TMEM132D: variants seen among roughly 807,000 people sequenced by gnomAD.
TMEM132D encodes the protein mature OL transmembrane protein.
Under a neutral mutation model 62.3 loss-of-function variants are expected in TMEM132D, and 21 were observed. The observed-to-expected ratio is 0.34, with a 90% CI of 0.24 to 0.49. The LOEUF is 0.49. TMEM132D is among the 20% of genes least tolerant of loss of function. The probability of loss-of-function intolerance (pLI) is 0.99; values close to 1 mark genes in which losing one functional copy is unlikely to be tolerated. For missense variants in TMEM132D, 1,346 were observed against 1,402.8 expected, an observed-to-expected ratio of 0.96 and a Z score of 0.65; for synonymous variants, 621 against 575.6, an observed-to-expected ratio of 1.08 and a Z score of -1.13.
intron 3 of TMEM132D, among the ~76,000 whole-genome samples, chr12:129,429,349 G>A (rs1200627198): frequency 6.6e-6 from 1 of 151,504 alleles, no homozygotes; most frequent in Non-Finnish European, 1.5e-5. Flanking sequence ...ATTTAATAGA[G>A]GAAATTGCTT....
Position 129,903,309 on chromosome 12 carries a change from G to A in TMEM132D, c.31C>T (p.His11Tyr), listed in dbSNP as rs1430170808. The A allele has an allele frequency of 1.3e-6, 2 of 1,554,498 alleles. No individual in the cohort carries two copies. Among genetic ancestry groups the A allele is most frequent in the South Asian group, 1.2e-5 (1 of 84,210 alleles). MCPSEMGTLW[H>Y]HWSPVLISLA... ...CTGATGAGTACCGGCGACCAGTGGTGCCACAGCGTCCCCATCTCAGACGGG... is the reference window on the plus strand; with the variant it reads ...CTGATGAGTACCGGCGACCAGTGGTACCACAGCGTCCCCATCTCAGACGGG... Residue 11 changes from histidine to tyrosine, a missense_variant, in exon 1 of 9, where the codon CAC becomes TAC. Physicochemically the swap from His to Tyr is moderately conservative, Grantham distance 83 (BLOSUM62 2). Coordinates refer to ENST00000422113, the MANE Select transcript of TMEM132D (RefSeq NM_133448.3). The surrounding 1 kb of genome is among the most constrained non-coding windows in gnomAD (Gnocchi z 6.2).
intron 5 of TMEM132D, among the ~76,000 whole-genome samples, chr12:129,108,744 C>G (rs12304117): frequency 6.6e-6 from 1 of 152,056 alleles, no homozygotes; most frequent in Non-Finnish European, 1.5e-5. Context: ...ACCCACACAT[C>G]GTCTTGAGTT....
At chr12:129,875,212 A>G (rs1172819396) in intron 1 of TMEM132D, among the ~76,000 whole-genome samples, 1 of 152,164 alleles carries the variant, frequency 6.6e-6, no homozygotes, top group Non-Finnish European at 1.5e-5. Context: ...CTTAACAGAC[A>G]AAGTGCGCAA....
Position 129,199,613 on chromosome 12 carries a change from C to T in TMEM132D, c.1443+9907G>A, listed in dbSNP as rs185482370. 4.0e-3 allele frequency among the ~76,000 whole-genome samples: 608 copies of T among 152,194 alleles called. 9 individuals are homozygous for T. Among genetic ancestry groups the T allele is most frequent in the African/African-American group, 0.013 (559 of 41,514 alleles). On this transcript the variant is annotated intron_variant, in intron 5 of 8. Coordinates refer to ENST00000422113, the MANE Select transcript of TMEM132D (RefSeq NM_133448.3). ...AACTGCTCTAAAGAAATACCTGAGA[C>T]TGGGTAATTTATAATGAAAAAGAGG...
rs1309828892 is a variant in TMEM132D at position 129,531,151 on chromosome 12, G to T, written c.1023C>A (p.Ser341=). The T allele has an allele frequency of 1.2e-6, 2 of 1,613,762 alleles. No homozygotes were observed. The highest frequency in any genetic ancestry group is 2.7e-5 in the African/African-American group (2 of 74,922). Residue 341 remains serine, a synonymous_variant, in exon 3 of 9, where the codon TCC becomes TCA. Coordinates refer to ENST00000422113, the MANE Select transcript of TMEM132D (RefSeq NM_133448.3). The stretch of plus-strand genomic sequence containing the variant: ...CCGTGCGCTCCTTGACATCCCAAAT[G>T]GAAGGGCTGCTGGCTCGCACGCCGA... The part of the protein sequence containing the change: ...NIIGVRASSP[S]IWDVKERTDY...
intron 3 of TMEM132D, among the ~76,000 whole-genome samples, chr12:129,493,553 C>T (rs994579169): frequency 2.6e-5 from 4 of 152,174 alleles, no homozygotes; most frequent in Non-Finnish European, 5.9e-5. Flanking sequence ...TAAACAAATG[C>T]TGTAAATAAA....
intron 5 of TMEM132D, among the ~76,000 whole-genome samples, chr12:129,094,791 A>G (rs1875045520): frequency 6.6e-6 from 1 of 152,218 alleles, no homozygotes; most frequent in Non-Finnish European, 1.5e-5. Flanking sequence ...CCAAATGTCC[A>G]ACAATGATAG....
At chr12:129,865,145 G>A (rs1335249297) in intron 1 of TMEM132D, among the ~76,000 whole-genome samples, 2 of 152,230 alleles carry the variant, frequency 1.3e-5, no homozygotes, top group African/African-American at 4.8e-5. Flanking sequence ...GGAAACCCCT[G>A]TGAGCAGGCT....
chr12:129,202,000 T>C (rs1180491225), intron 5 of TMEM132D, among the ~76,000 whole-genome samples: 1 of 134,094 alleles, frequency 7.5e-6, no homozygotes, highest in Non-Finnish European at 1.6e-5. Context: ...ACTGGGGACC[T>C]GTTGCCTTCT....
intron 3 of TMEM132D, among the ~76,000 whole-genome samples, chr12:129,528,053 A>C (rs1278548003): frequency 6.6e-6 from 1 of 152,216 alleles, no homozygotes; most frequent in Non-Finnish European, 1.5e-5. Context: ...TATGACTCTC[A>C]AGCTAATTAA....
intron 2 of TMEM132D, among the ~76,000 whole-genome samples, chr12:129,584,557 G>C (rs1284791450): frequency 6.6e-6 from 1 of 152,190 alleles, no homozygotes; most frequent in Non-Finnish European, 1.5e-5. Flanking sequence ...CATGAAGCAA[G>C]CCACCCGGAG....
intron 1 of TMEM132D, among the ~76,000 whole-genome samples, chr12:129,751,181 T>G (rs886982150): frequency 4.6e-5 from 7 of 152,104 alleles, no homozygotes; most frequent in Non-Finnish European, 1.0e-4. Context: ...TTTAATTGGC[T>G]CACAGTTCCT....
At chr12:129,138,823 A>G (rs968848340) in intron 5 of TMEM132D, among the ~76,000 whole-genome samples, 3 of 152,222 alleles carry the variant, frequency 2.0e-5, no homozygotes, top group African/African-American at 7.2e-5. Context: ...GCCATCATTC[A>G]TCAATGTGGA....
At chr12:129,743,161 C>T (rs1479931039) in intron 1 of TMEM132D, among the ~76,000 whole-genome samples, 1 of 152,246 alleles carries the variant, frequency 6.6e-6, no homozygotes, top group Non-Finnish European at 1.5e-5. Context: ...GTCCCATGTC[C>T]ACACAGCCTC....
intron 5 of TMEM132D, chr12:129,086,144 T>C (rs1247314500): frequency 6.6e-6 from 1 of 152,392 alleles, no homozygotes; most frequent in African/African-American, 2.4e-5. Flanking sequence ...ACATGTGTAC[T>C]GTGAAATAAT....
intron 4 of TMEM132D, among the ~76,000 whole-genome samples, chr12:129,307,666 G>A (rs1881876909): frequency 1.3e-5 from 2 of 151,936 alleles, no homozygotes; most frequent in Non-Finnish European, 2.9e-5. Flanking sequence ...CATAACCCTG[G>A]AGGAACAAGT....
intron 4 of TMEM132D, among the ~76,000 whole-genome samples, chr12:129,311,836 C>T (rs952143647): frequency 2.0e-5 from 3 of 152,046 alleles, no homozygotes; most frequent in Admixed American, 6.6e-5. Flanking sequence ...CCAGGAATAC[C>T]GAAGGAGAGA....
chr12:129,253,801 A>G (rs533434083), intron 4 of TMEM132D, among the ~76,000 whole-genome samples: 74 of 152,302 alleles, frequency 4.9e-4, no homozygotes, highest in Admixed American at 2.1e-3. Flanking sequence ...CAGTGGATGC[A>G]CTTCCAGGGG....
chr12:129,078,927 C>T (rs1255576888), intron 7 of TMEM132D, among the ~76,000 whole-genome samples: 5 of 152,130 alleles, frequency 3.3e-5, no homozygotes, highest in African/African-American at 1.2e-4. Context: ...TTGCATAAAG[C>T]AAGGTGGTGT....
Sources: gnomAD v4.1 joint callset for allele counts (sites outside exome capture counted in the v4.1 genomes callset) on GRCh38, gnomAD v4.1.1 for gene constraint, Gnocchi (gnomAD v3.1) non-coding constraint, MANE v1.5 for transcripts, NCBI Gene and HGNC (gene_info 2026-07-23, HGNC 2026-07-21) for gene names.